Variants in SYT16 observed in about 807,000 individuals in gnomAD.
SYT16 encodes the protein synaptotagmin 16, also known as synaptotagmin-16.
In SYT16, 42 loss-of-function variants were observed where a neutral mutation model predicts 61.4. The observed-to-expected ratio is 0.68, with a 90% confidence interval of 0.53 to 0.89. The LOEUF is 0.89. SYT16 is among the 40% of genes least tolerant of loss of function. The pLI is 0.00. For missense variants in SYT16, 804 were observed against 807.3 expected, an observed-to-expected ratio of 1.00 and a Z score of 0.05; for synonymous variants, 314 against 302.3, an observed-to-expected ratio of 1.04 and a Z score of -0.40.
chr14:61,926,119 G>A (rs901075390), intron 1 of SYT16, among the ~76,000 whole-genome samples: 1 of 152,126 alleles, frequency 6.6e-6, no homozygotes, highest in Non-Finnish European at 1.5e-5. Context: ...GGGAGATATC[G>A]GGGTTTCATA....
chr14:61,961,626 G>A (rs2051119645), intron 1 of SYT16, among the ~76,000 whole-genome samples: 1 of 152,110 alleles, frequency 6.6e-6, no homozygotes, highest in African/African-American at 2.4e-5. Context: ...ACAGATGCTG[G>A]CAAGGTTGTG....
chr14:61,975,624 G>A (rs1053886781), intron 2 of SYT16, among the ~76,000 whole-genome samples: 7 of 152,124 alleles, frequency 4.6e-5, no homozygotes, highest in African/African-American at 1.7e-4. Flanking sequence ...CATTAGAACA[G>A]CATGAGAGAA....
chr14:62,064,553 T>C (rs186391275), intron 3 of SYT16, among the ~76,000 whole-genome samples: 147 of 152,306 alleles, frequency 9.7e-4, no homozygotes, highest in Non-Finnish European at 1.9e-3. Context: ...TGATTTTATT[T>C]TTCTGGTGAT....
At chr14:62,096,962 T>C (rs1463860844) in intron 7 of SYT16, among the ~76,000 whole-genome samples, 1 of 152,120 alleles carries the variant, frequency 6.6e-6, no homozygotes, top group Admixed American at 6.6e-5. Context: ...ATGGCCAAAT[T>C]CCTTTCCCTT....
At chr14:62,085,704 A>G (rs2056862751) in intron 7 of SYT16, among the ~76,000 whole-genome samples, 1 of 152,198 alleles carries the variant, frequency 6.6e-6, no homozygotes, top group African/African-American at 2.4e-5. Context: ...GCAAATTAGT[A>G]AGGAATGCCC....
intron 3 of SYT16, among the ~76,000 whole-genome samples, chr14:62,001,407 A>AT (rs1315058460): frequency 6.6e-6 from 1 of 152,058 alleles, no homozygotes; most frequent in East Asian, 1.9e-4. Flanking sequence ...GCACTTTAAG[A>AT]TTGCCATTTC....
chr14:61,879,904 G>A (rs561174652), intron 1 of SYT16, among the ~76,000 whole-genome samples: 2 of 152,260 alleles, frequency 1.3e-5, no homozygotes, highest in Non-Finnish European at 1.5e-5. Context: ...CAATCACACT[G>A]TCTTCTCTCG....
At chr14:61,938,036 C>T (rs1341578235) in intron 1 of SYT16, among the ~76,000 whole-genome samples, 1 of 151,718 alleles carries the variant, frequency 6.6e-6, no homozygotes, top group African/African-American at 2.4e-5. Context: ...AACACACACA[C>T]ACACACACAC....
At chr14:61,920,141 A>G (rs924214585) in intron 1 of SYT16, among the ~76,000 whole-genome samples, 2 of 152,078 alleles carry the variant, frequency 1.3e-5, no homozygotes, top group African/African-American at 2.4e-5. Flanking sequence ...TCTGGTTACC[A>G]TGCACCTGTT....
At chr14:61,892,686 T>TG (rs973753694) in intron 1 of SYT16, among the ~76,000 whole-genome samples, 1 of 152,106 alleles carries the variant, frequency 6.6e-6, no homozygotes, top group Non-Finnish European at 1.5e-5. Context: ...TTAGAACCGA[T>TG]GGGGGGTGGT....
At chr14:62,036,738 A>T (rs960639213) in intron 3 of SYT16, among the ~76,000 whole-genome samples, 2 of 152,134 alleles carry the variant, frequency 1.3e-5, no homozygotes, top group Non-Finnish European at 2.9e-5. Flanking sequence ...CACTAGCATG[A>T]GAAAAGCACG....
intron 1 of SYT16, among the ~76,000 whole-genome samples, chr14:61,964,521 A>G (rs906321196): frequency 6.6e-6 from 1 of 152,176 alleles, no homozygotes; most frequent in Admixed American, 6.5e-5. Flanking sequence ...TGGCCTTCCT[A>G]TAGATAAACA....
At chr14:61,965,745 T>C (rs2051289622) in intron 1 of SYT16, among the ~76,000 whole-genome samples, 1 of 151,818 alleles carries the variant, frequency 6.6e-6, no homozygotes, top group Non-Finnish European at 1.5e-5. Context: ...GCTGAAGAAA[T>C]AGTAATGTAG....
chr14:61,820,478 T>TTG (rs2045582016), intron 1 of SYT16, among the ~76,000 whole-genome samples: 2 of 131,438 alleles, frequency 1.5e-5, no homozygotes, highest in Non-Finnish European at 3.2e-5. Flanking sequence ...AGTTTTTTTT[T>TTG]TTTTTTTTTT....
At chr14:61,852,403 C>G (rs1354383751) in intron 1 of SYT16, among the ~76,000 whole-genome samples, 1 of 152,090 alleles carries the variant, frequency 6.6e-6, no homozygotes, top group South Asian at 2.1e-4. Flanking sequence ...GCTATTCAGG[C>G]TCTTTTTGGT....
At chr14:62,030,968 C>G (rs1241144411) in intron 3 of SYT16, among the ~76,000 whole-genome samples, 1 of 152,178 alleles carries the variant, frequency 6.6e-6, no homozygotes, top group African/African-American at 2.4e-5. Context: ...GCTAACTTAG[C>G]TGCCTCAGTT....
At chr14:61,927,254 T>G (rs2049575703) in intron 1 of SYT16, among the ~76,000 whole-genome samples, 1 of 152,144 alleles carries the variant, frequency 6.6e-6, no homozygotes, top group Non-Finnish European at 1.5e-5. Flanking sequence ...AAAAAATGAG[T>G]GATGAATACT....
intron 1 of SYT16, among the ~76,000 whole-genome samples, chr14:61,852,400 A>G (rs2046643970): frequency 6.6e-6 from 1 of 152,118 alleles, no homozygotes; most frequent in African/African-American, 2.4e-5. Flanking sequence ...TTGGCTATTC[A>G]GGCTCTTTTT....
intron 5 of SYT16, chr14:62,079,332 T>G (rs1463503253): frequency 8.5e-7 from 1 of 1,178,772 alleles, no homozygotes; most frequent in Admixed American, 3.3e-5. Context: ...ATCTAAATTT[T>G]CTTGCAGGCT....
Sources: allele counts gnomAD v4.1 joint callset (sites outside exome capture counted in the v4.1 genomes callset), GRCh38; gene constraint gnomAD v4.1.1; transcripts MANE v1.5; gene names NCBI Gene and HGNC (gene_info 2026-07-23, HGNC 2026-07-21).